ITIH5: variants seen among roughly 807,000 people sequenced by gnomAD.
ITIH5 encodes inter-alpha-trypsin inhibitor heavy chain H5.
ITIH5 carries 65 observed loss-of-function variants against 77.5 expected under a neutral mutation model. The observed-to-expected ratio is 0.84, with a 90% CI of 0.69 to 1.03. The LOEUF (loss-of-function observed/expected upper bound fraction) is 1.03. Ranked by LOEUF, ITIH5 falls within the 50% of genes least tolerant of loss-of-function variation. The pLI is 0.00. For synonymous variants in ITIH5, 525 were observed against 494.3 expected (o/e 1.06, Z -0.82); for missense variants, 1,208 against 1,213.1 (o/e 1.00, Z 0.06).
intron 7 of ITIH5, among the ~76,000 whole-genome samples, chr10:7,607,452 C>T (rs1833147807): frequency 6.6e-6 from 1 of 152,142 alleles, no homozygotes; most frequent in Non-Finnish European, 1.5e-5. Context: ...TCAAAACTAG[C>T]ATAGGTAACA....
rs548313993 is a variant in ITIH5 at position 7,575,409 on chromosome 10, C to A, written c.1978+1044G>T. 9.3e-4 allele frequency among the ~76,000 whole-genome samples: 142 copies of A among 152,272 alleles called. 1 individual carries two copies. The highest frequency in any genetic ancestry group is 1.4e-3 in the Non-Finnish European group (92 of 68,016). On this transcript the variant is annotated intron_variant, in intron 10 of 13. Coordinates refer to ENST00000397146, the MANE Select transcript of ITIH5 (RefSeq NM_030569.7). ...TTTAGAGTGTGAGGAATAAATGGGA[C>A]AGCATTGGTGGGGTGCAGAGTAGGG...
At chr10:7,607,991 C>T (rs1588395092) in intron 7 of ITIH5, among the ~76,000 whole-genome samples, 1 of 152,216 alleles carries the variant, frequency 6.6e-6, no homozygotes, top group East Asian at 1.9e-4. Context: ...AAGGCCTAGA[C>T]CTGAACAGGC....
chr10:7,652,127 C>T lies in ITIH5; in HGVS notation c.135+3504G>A, dbSNP rs191596413. Reference sequence around the variant, plus strand: ...TGGAAATTCACACACAAAGATCCCCCTGCTTTCCAAAGAGTAAATATTTTG... The same window carrying T: ...TGGAAATTCACACACAAAGATCCCCTTGCTTTCCAAAGAGTAAATATTTTG... On this transcript the variant is annotated intron_variant, in intron 2 of 13. Transcript: ENST00000397146. Among the ~76,000 whole-genome samples, 273 of 152,290 alleles carry T rather than the reference C, an allele frequency of 1.8e-3. 3 individuals carry two copies. Among genetic ancestry groups the T allele is most frequent in the African/African-American group, 6.2e-3 (259 of 41,554 alleles).
chr10:7,579,038 T>G (rs11255200), intron 9 of ITIH5, among the ~76,000 whole-genome samples: 32,113 of 152,188 alleles, frequency 0.21, 3,573 homozygotes, highest in African/African-American at 0.27. Flanking sequence ...AGAATAAAAG[T>G]AAACTTACTA....
Position 7,666,875 on chromosome 10 carries a change from C to T in ITIH5, c.18G>A (p.Gly6=), listed in dbSNP as rs1460615704. The T allele has an allele frequency of 6.3e-7, 1 of 1,595,696 alleles. No homozygotes were observed. The highest frequency in any genetic ancestry group is 8.5e-7 in the Non-Finnish European group (1 of 1,172,818). MLLLL[G]LCLGLSLCVG... is the part of the protein sequence containing the mutation. The stretch of plus-strand genomic sequence containing the variant: ...CACACAGGGACAGCCCCAGGCACAG[C>T]CCCAGCAGCAGGAGCATGGCGGGGC... Residue 6 remains glycine (G), a synonymous_variant, in exon 1 of 14, where the codon GGG becomes GGA. Transcript: ENST00000397146.
At chr10:7,584,764 T>C (rs1361776524) in intron 8 of ITIH5, among the ~76,000 whole-genome samples, 2 of 152,216 alleles carry the variant, frequency 1.3e-5, no homozygotes, top group African/African-American at 4.8e-5. Context: ...GTAGGAGCTA[T>C]GTAAACATGA....
chr10:7,576,414 C>A (rs758650499), intron 10 of ITIH5, 39 bp downstream of exon 10: 1 of 1,471,632 alleles, frequency 6.8e-7, no homozygotes, highest in Non-Finnish European at 9.0e-7. Context: ...TATCTCAGGC[C>A]CGCGTCCCCC....
At chr10:7,606,715 G>A (rs1833133084) in intron 7 of ITIH5, among the ~76,000 whole-genome samples, 2 of 152,092 alleles carry the variant, frequency 1.3e-5, no homozygotes, top group African/African-American at 2.4e-5. Context: ...ACCTGTATAT[G>A]TGCCTCTTAA....
rs577124049 is a variant in ITIH5 at position 7,563,041 on chromosome 10, A to G, written c.*42T>C. On this transcript the variant is annotated 3_prime_UTR_variant, in exon 14 of 14. Coordinates refer to ENST00000397146, the MANE Select transcript of ITIH5 (RefSeq NM_030569.7). The stretch of plus-strand genomic sequence containing the variant: ...AAGAGCTGCCCCACGGCCTCCCCAC[A>G]TCACTGTCCTTCATGCACTTGCATC... The G allele has an allele frequency of 1.3e-6, 2 of 1,585,574 alleles. No individual in the cohort carries two copies. Among genetic ancestry groups the G allele is most frequent in the African/African-American group, 1.3e-5 (1 of 74,668 alleles).
rs1204115048 is a variant in ITIH5, at chr10:7,586,156, G to A, written c.940-87C>T. ...TCTAGAAACCGCCCCCGCCCCCCAGGAAAAATGTCAGGGTTCAAATTCAGT... is the reference window on the plus strand; with the variant it reads ...TCTAGAAACCGCCCCCGCCCCCCAGAAAAAATGTCAGGGTTCAAATTCAGT... On this transcript the variant is annotated intron_variant, in intron 7 of 13. Transcript: ENST00000397146. The A allele has an allele frequency of 8.1e-6, 10 of 1,227,206 alleles. No individual in the cohort carries two copies. The Admixed American group carries it at 1.3e-4, about 17-fold the overall frequency. 76.0% of individuals were successfully genotyped at this position (1,227,206 alleles called of 1,614,324 possible). A position where few individuals can be genotyped will look rare whatever the true frequency, so the allele number is the denominator to read the frequency against.
At chr10:7,627,387 A>G (rs576234313) in intron 5 of ITIH5, among the ~76,000 whole-genome samples, 11 of 152,086 alleles carry the variant, frequency 7.2e-5, no homozygotes, top group African/African-American at 2.4e-4. Flanking sequence ...TTGGGCATCA[A>G]CTGAAATGCA....
chr10:7,583,499 A>AT (rs1403351770), intron 8 of ITIH5, among the ~76,000 whole-genome samples: 1 of 152,010 alleles, frequency 6.6e-6, no homozygotes, highest in Admixed American at 6.6e-5. Flanking sequence ...CGCCCAGCTG[A>AT]TTTTTTTGTA....
intron 12 of ITIH5, 101 bp from the exon 13 acceptor site, chr10:7,566,508 G>T: frequency 1.7e-6 from 2 of 1,208,972 alleles, no homozygotes; most frequent in Non-Finnish European, 1.1e-6. Flanking sequence ...CAGGTGGATT[G>T]CCTGAGTCCA....
chr10:7,592,035 T>C (rs1368686335), intron 7 of ITIH5, among the ~76,000 whole-genome samples: 1 of 151,996 alleles, frequency 6.6e-6, no homozygotes, highest in Non-Finnish European at 1.5e-5. Context: ...CATGCCCAGC[T>C]GATTTTAGTA....
At chr10:7,612,477 T>A (rs758469366) in intron 7 of ITIH5, among the ~76,000 whole-genome samples, 13 of 152,178 alleles carry the variant, frequency 8.5e-5, no homozygotes, top group Non-Finnish European at 1.5e-4. Context: ...ATCAGGTTTT[T>A]AAAGAATATT....
chr10:7,602,819 T>A (rs1833041916), intron 7 of ITIH5, among the ~76,000 whole-genome samples: 1 of 152,190 alleles, frequency 6.6e-6, no homozygotes, highest in African/African-American at 2.4e-5. Context: ...TCCAGCTAAT[T>A]ACTAAGCCAC....
At chr10:7,580,786 G>T (rs1039277448) in intron 8 of ITIH5, among the ~76,000 whole-genome samples, 1 of 152,186 alleles carries the variant, frequency 6.6e-6, no homozygotes, top group Non-Finnish European at 1.5e-5. Context: ...GTTGTCTAGG[G>T]CTAGGTGGAG....
chr10:7,570,395 C>T, intron 11 of ITIH5: 1 of 152,284 alleles, frequency 6.6e-6, no homozygotes, highest in East Asian at 1.9e-4. Context: ...TGGCGGAAAC[C>T]CCTCCTTTGG....
chr10:7,653,014 C>T (rs1313166366), intron 2 of ITIH5, among the ~76,000 whole-genome samples: 12 of 152,040 alleles, frequency 7.9e-5, no homozygotes, highest in African/African-American at 9.7e-5. Context: ...ATTCCAAATT[C>T]GTACATAGGC....
Sources: allele counts gnomAD v4.1 joint callset (sites outside exome capture counted in the v4.1 genomes callset), GRCh38; gene constraint gnomAD v4.1.1; transcripts MANE v1.5; gene names NCBI Gene and HGNC (gene_info 2026-07-23, HGNC 2026-07-21).